NDST4: variants seen among roughly 807,000 people sequenced by gnomAD.
NDST4 encodes the protein N-deacetylase and N-sulfotransferase 4, also known as N-heparan sulfate sulfotransferase 4.
NDST4 carries 63 observed loss-of-function variants against 100.8 expected under a neutral mutation model. The observed-to-expected ratio is 0.62, with a 90% CI of 0.51 to 0.77. The LOEUF is 0.77. Ranked by LOEUF, NDST4 falls within the 30% of genes least tolerant of loss-of-function variation. NDST4 has a pLI of 0.00. For missense variants in NDST4, 943 were observed against 1,018.4 expected (o/e 0.93, Z 1.01); for synonymous variants, 377 against 361.8 (o/e 1.04, Z -0.48).
chr4:114,903,402 G>T (rs937504423), intron 6 of NDST4, among the ~76,000 whole-genome samples: 2 of 151,998 alleles, frequency 1.3e-5, no homozygotes, highest in Non-Finnish European at 2.9e-5. Flanking sequence ...ACAGAAGTGT[G>T]GGGGGCCTTA....
rs144507325 is a variant in NDST4, at chr4:114,949,280, C to T, written c.1222-11777G>A. On this transcript the variant is annotated intron_variant, in intron 4 of 13. Coordinates refer to ENST00000264363, the MANE Select transcript of NDST4 (RefSeq NM_022569.3). ...ATATTCCTTTGAGGGTCTGCAAATT[C>T]TAGACAATGGGAACAACTTGAATAT... Among the ~76,000 whole-genome samples the T allele has an allele frequency of 5.7e-3, 866 of 151,752 alleles. 7 individuals are homozygous for T. Among genetic ancestry groups the T allele is most frequent in the Middle Eastern group, 0.014 (4 of 294 alleles).
intron 2 of NDST4, among the ~76,000 whole-genome samples, chr4:114,987,619 T>C (rs969600811): frequency 1.7e-4 from 26 of 152,260 alleles, no homozygotes; most frequent in Admixed American, 1.1e-3. Context: ...TTTGGGTCTA[T>C]AAAATTAAAT....
At chr4:115,089,923 G>A (rs1729482353) in intron 1 of NDST4, among the ~76,000 whole-genome samples, 1 of 151,332 alleles carries the variant, frequency 6.6e-6, no homozygotes, top group South Asian at 2.1e-4. Flanking sequence ...ATTAATATTG[G>A]TATATGTCCC....
At chr4:114,900,758 A>G (rs1204105415) in intron 6 of NDST4, among the ~76,000 whole-genome samples, 5 of 152,176 alleles carry the variant, frequency 3.3e-5, no homozygotes, top group African/African-American at 1.2e-4. Context: ...TCATTGTTAT[A>G]CATGACTGTA....
intron 2 of NDST4, among the ~76,000 whole-genome samples, chr4:115,000,097 A>G (rs2620410): frequency 0.34 from 51,804 of 151,154 alleles, 8,997 homozygotes; most frequent in Middle Eastern, 0.49. Flanking sequence ...TGTTATACAA[A>G]CCTGTGTTTT....
At chr4:115,081,081 C>A (rs1296413241) in intron 1 of NDST4, among the ~76,000 whole-genome samples, 2 of 146,118 alleles carry the variant, frequency 1.4e-5, no homozygotes, top group African/African-American at 2.6e-5. Flanking sequence ...CCTCCTAATG[C>A]AATAGTGAAA....
chr4:115,022,234 G>A (rs148234305), intron 2 of NDST4, among the ~76,000 whole-genome samples: 1,466 of 134,826 alleles, frequency 0.011, 57 homozygotes, highest in African/African-American at 0.038. Flanking sequence ...ATATATATAC[G>A]TTCCACGTCT....
At chr4:115,049,622 T>C (rs554818119) in intron 2 of NDST4, among the ~76,000 whole-genome samples, 11 of 152,254 alleles carry the variant, frequency 7.2e-5, no homozygotes, top group African/African-American at 2.6e-4. Flanking sequence ...AACTGGAGAA[T>C]TAGACTTAAA....
At chr4:115,068,142 T>A (rs572697868) in intron 2 of NDST4, among the ~76,000 whole-genome samples, 45 of 152,232 alleles carry the variant, frequency 3.0e-4, no homozygotes, top group African/African-American at 1.1e-3. Flanking sequence ...ACTGTTTTTT[T>A]TAAATATCTG....
At position 115,022,198 on chromosome 4, in the gene NDST4, ACGTTC is replaced by A. The variant is rs879310916; in HGVS notation, c.979-44929_979-44925del. ...GTCTATGCACGTTCCATATATATAC[ACGTTC>A]CACGTCTATGCACGTTCCATATATA... On this transcript the variant is annotated intron_variant, in intron 2 of 13. Coordinates refer to ENST00000264363, the MANE Select transcript of NDST4 (RefSeq NM_022569.3). Among the ~76,000 whole-genome samples, 469 of 149,062 alleles carry A rather than the reference ACGTTC, an allele frequency of 3.1e-3. 1 individual carries two copies. Among genetic ancestry groups the A allele is most frequent in the African/African-American group, 6.9e-3 (276 of 39,858 alleles).
chr4:114,972,430 A>T (rs1267403106), intron 3 of NDST4, among the ~76,000 whole-genome samples: 1 of 152,032 alleles, frequency 6.6e-6, no homozygotes, highest in Non-Finnish European at 1.5e-5. Context: ...AAATTTTGAA[A>T]GTAATAAAGT....
At chr4:114,868,855 T>C (rs1306985939) in intron 7 of NDST4, among the ~76,000 whole-genome samples, 1 of 151,192 alleles carries the variant, frequency 6.6e-6, no homozygotes, top group Non-Finnish European at 1.5e-5. Flanking sequence ...TATGTTATCT[T>C]TTCTGAGTTA....
intron 2 of NDST4, among the ~76,000 whole-genome samples, chr4:115,020,132 A>G (rs1410067378): frequency 6.6e-6 from 1 of 152,152 alleles, no homozygotes; most frequent in Non-Finnish European, 1.5e-5. Flanking sequence ...TGCAGCATTA[A>G]GTGCAATTCT....
chr4:114,988,612 T>C (rs1837802), intron 2 of NDST4, among the ~76,000 whole-genome samples: 131,406 of 151,166 alleles, frequency 0.87, 57,574 homozygotes, highest in African/African-American at 0.91. Context: ...CCACCCACCT[T>C]GGCCTCCCAA....
chr4:115,064,946 G>C (rs546927020), intron 2 of NDST4, among the ~76,000 whole-genome samples: 1 of 152,122 alleles, frequency 6.6e-6, no homozygotes, highest in South Asian at 2.1e-4. Flanking sequence ...TAAATCATTA[G>C]ACCTTAACCC....
chr4:114,966,199 C>T (rs1266654358), intron 4 of NDST4, among the ~76,000 whole-genome samples: 7 of 151,990 alleles, frequency 4.6e-5, no homozygotes, highest in Admixed American at 2.6e-4. Context: ...TACATCCACA[C>T]ACATGTACAC....
chr4:115,000,965 T>C (rs1727277784), intron 2 of NDST4, among the ~76,000 whole-genome samples: 1 of 152,112 alleles, frequency 6.6e-6, no homozygotes, highest in Non-Finnish European at 1.5e-5. Context: ...GTGGAAAGGA[T>C]GCATGAACTC....
At chr4:115,084,228 C>T (rs1374734214) in intron 1 of NDST4, among the ~76,000 whole-genome samples, 1 of 152,182 alleles carries the variant, frequency 6.6e-6, no homozygotes, top group Non-Finnish European at 1.5e-5. Context: ...AGACTGGGCC[C>T]TGCCCTAGAG....
intron 4 of NDST4, among the ~76,000 whole-genome samples, chr4:114,952,957 A>G (rs1726050888): frequency 6.6e-6 from 1 of 151,454 alleles, no homozygotes; most frequent in Non-Finnish European, 1.5e-5. Flanking sequence ...TACTTTAATT[A>G]CCTGTGCTGT....
Sources: allele counts gnomAD v4.1 joint callset (sites outside exome capture counted in the v4.1 genomes callset), GRCh38; gene constraint gnomAD v4.1.1; transcripts MANE v1.5; gene names NCBI Gene and HGNC (gene_info 2026-07-23, HGNC 2026-07-21).